Variants in ANK1 observed in about 807,000 individuals in gnomAD.
ANK1 encodes ankyrin 1.
In ANK1, 51 loss-of-function variants were observed where a neutral mutation model predicts 210.4. That is an observed-to-expected ratio of 0.24 (90% CI 0.19 to 0.31). ANK1 has a LOEUF of 0.31. ANK1 is among the 10% of genes least tolerant of loss of function. The pLI, the probability that ANK1 is intolerant of heterozygous loss-of-function variation, is 1.00. For missense variants in ANK1, 2,051 were observed against 2,504.4 expected (o/e 0.82, Z 3.86); for synonymous variants, 967 against 1,025.9 (o/e 0.94, Z 1.10).
chr8:41,726,982 C>A (rs1485100661), intron 5 of ANK1, among the ~76,000 whole-genome samples: 1 of 152,238 alleles, frequency 6.6e-6, no homozygotes, highest in Non-Finnish European at 1.5e-5. Flanking sequence ...CCTGCCCCCT[C>A]CAGTCACAAG....
At position 41,658,662 on chromosome 8, in the gene ANK1, G is replaced by A. The variant is rs145128742; in HGVS notation, c.*36+2768C>T. Among the ~76,000 whole-genome samples, 58 of 152,334 alleles carry A rather than the reference G, an allele frequency of 3.8e-4. No individual in the cohort carries two copies. In the East Asian group the frequency reaches 8.3e-3, roughly 22 times the overall value. On this transcript the variant is annotated intron_variant, in intron 42 of 42. Transcript: ENST00000289734. ...AATCCCAGCACTTTGGGAGGCTGAG[G>A]AGGGCGGGTTGCTTGAGGTGAGGAG...
chr8:41,815,691 T>C (rs1011497751), intron 1 of ANK1, among the ~76,000 whole-genome samples: 4 of 152,188 alleles, frequency 2.6e-5, no homozygotes, highest in African/African-American at 9.6e-5. Context: ...AATTATGTTA[T>C]TAGAATTTTA....
intron 33 of ANK1, among the ~76,000 whole-genome samples, chr8:41,689,058 ACATCACAGCCCTGTGGAAAAG>A (rs1411700790): frequency 3.9e-5 from 6 of 152,150 alleles, no homozygotes; most frequent in South Asian, 2.1e-4. Flanking sequence ...TAAGGCCTTA[ACATCACAGCCCTGTGGAAAAG>A]CATCCGAACA....
intron 40 of ANK1, among the ~76,000 whole-genome samples, chr8:41,663,354 T>C (rs1809212751): frequency 6.6e-6 from 1 of 152,068 alleles, no homozygotes; most frequent in Admixed American, 6.5e-5. Flanking sequence ...AACAGCTGTT[T>C]TCAGGGTTAG....
chr8:41,692,722 T>C lies in ANK1; in HGVS notation c.3784A>G (p.Thr1262Ala). 2 of 1,613,944 alleles carry C rather than the reference T, an allele frequency of 1.2e-6. No homozygotes were observed. Among genetic ancestry groups the C allele is most frequent in the Non-Finnish European group, 1.7e-6 (2 of 1,180,008 alleles). ...AGGGTCTTGTCCACTTTATCATCTG[T>C]CATGCAGTAGCAGCGCAGGCGCCCC... The part of the protein sequence containing the change: ...REGRLRCYCM[T>A]DDKVDKTLEQ... Residue 1262 changes from threonine to alanine, a missense_variant, in exon 31 of 43, where the codon ACA (threonine) becomes GCA (alanine). Around this residue, in one of 6 missense-constraint regions of ANK1, gnomAD observed 1,413 missense variants for 1,707.4 expected, o/e 0.83. Coordinates refer to ENST00000289734, the MANE Select transcript of ANK1 (RefSeq NM_000037.4).
intron 16 of ANK1, among the ~76,000 whole-genome samples, chr8:41,710,165 TC>T (rs1322520422): frequency 6.6e-6 from 1 of 152,178 alleles, no homozygotes; most frequent in Non-Finnish European, 1.5e-5. Context: ...ACTCCTTATC[TC>T]CCTGCAGGCA....
intron 2 of ANK1, among the ~76,000 whole-genome samples, chr8:41,735,324 A>G (rs1374784224): frequency 3.3e-5 from 5 of 152,168 alleles, no homozygotes; most frequent in Non-Finnish European, 7.4e-5. Flanking sequence ...ACAGAAAATG[A>G]TTTTAGTCAG....
intron 1 of ANK1, among the ~76,000 whole-genome samples, chr8:41,870,652 G>A (rs1006570853): frequency 2.0e-5 from 3 of 152,226 alleles, no homozygotes; most frequent in African/African-American, 7.2e-5. Context: ...TGGATGATGG[G>A]CCAAGGGAGG....
Position 41,719,684 on chromosome 8 carries a change from C to T in ANK1, c.1084G>A (p.Ala362Thr). 1 of 1,614,220 alleles carries T rather than the reference C, an allele frequency of 6.2e-7. No homozygotes were observed. Among genetic ancestry groups the T allele is most frequent in the Non-Finnish European group, 8.5e-7 (1 of 1,180,036 alleles). ...RVAKVLLDKG[A>T]KPNSRALNGF... Reference sequence around the variant, plus strand: ...ACCAGGGCTCTGGAGTTGGGTTTGGCCCCTTTATCCAGAAGGACCTTAGCC... The same window carrying T: ...ACCAGGGCTCTGGAGTTGGGTTTGGTCCCTTTATCCAGAAGGACCTTAGCC... Residue 362 changes from alanine to threonine, a missense_variant, in exon 10 of 43, where the codon GCC (alanine) becomes ACC (threonine). By Grantham distance (58) the Ala-to-Thr change is moderately conservative. Around this residue, in one of 6 missense-constraint regions of ANK1, gnomAD observed 1,413 missense variants for 1,707.4 expected, o/e 0.83. Transcript: ENST00000289734.
chr8:41,812,908 G>A (rs1802722428), intron 1 of ANK1, among the ~76,000 whole-genome samples: 1 of 152,174 alleles, frequency 6.6e-6, no homozygotes, highest in African/African-American at 2.4e-5. Context: ...AATGCTTCCT[G>A]GCTCATTGCT....
chr8:41,724,322 G>A (rs1830123053), intron 7 of ANK1, 134 bp downstream of exon 7: 1 of 774,844 alleles, frequency 1.3e-6, no homozygotes, highest in Admixed American at 2.0e-5. Context: ...TGCCAGCAAG[G>A]AGCCCGACCA....
In ANK1 at chr8:41,663,672, A is replaced by T. The variant is rs750253055; in HGVS notation, c.5465T>A (p.Ile1822Asn). ...EEQFTDEQGN[I>N]VTKKIIRKVV... ...CTCTGCACCCACCTTCTTGGTGACA[A>T]TGTTGCCCTGCTCATCCGTGAATTG... Residue 1822 changes from isoleucine (I) to asparagine (N), a missense_variant, in exon 40 of 43, where the codon ATT becomes AAT. Transcript: ENST00000289734. The T allele has an allele frequency of 5.0e-6, 8 of 1,613,712 alleles. No homozygotes were observed. Among genetic ancestry groups the T allele is most frequent in the Non-Finnish European group, 6.8e-6 (8 of 1,179,802 alleles).
chr8:41,761,011 A>G (rs559483354), intron 1 of ANK1, among the ~76,000 whole-genome samples: 19 of 152,242 alleles, frequency 1.2e-4, no homozygotes, highest in African/African-American at 3.6e-4. Flanking sequence ...AAGTCTTTGT[A>G]GATGTAATTA....
intron 37 of ANK1, among the ~76,000 whole-genome samples, chr8:41,680,026 G>C (rs922789435): frequency 6.6e-6 from 1 of 152,156 alleles, no homozygotes; most frequent in Non-Finnish European, 1.5e-5. Context: ...TTTCAAGCAG[G>C]AGGGTATATT....
Position 41,766,448 on chromosome 8 carries a change from C to G in ANK1, c.28-8311G>C, listed in dbSNP as rs183334277. Among the ~76,000 whole-genome samples the G allele has an allele frequency of 4.6e-5, 7 of 152,310 alleles. No homozygotes were observed. The East Asian group carries it at 9.6e-4, about 21-fold the overall frequency. ...GCTTTACAAACTGTCTCCAGGCTCC[C>G]CAGTCTGACTACCATTGGCAAAAAT... On this transcript the variant is annotated intron_variant, in intron 1 of 42. Coordinates refer to ENST00000289734, the MANE Select transcript of ANK1 (RefSeq NM_000037.4).
At chr8:41,782,503 A>C (rs1586911579) in intron 1 of ANK1, among the ~76,000 whole-genome samples, 1 of 152,262 alleles carries the variant, frequency 6.6e-6, no homozygotes, top group South Asian at 2.1e-4. Flanking sequence ...TATTTCCCAG[A>C]GGGAGCAGCG....
At chr8:41,668,685 C>T in intron 38 of ANK1, 121 bp from the exon 39 acceptor site, 1 of 1,127,348 alleles carries the variant, frequency 8.9e-7, no homozygotes, top group Admixed American at 2.5e-5. Context: ...ATCAAGGACA[C>T]AGACCGTCCT....
rs2150596698 is a variant in ANK1 at position 41,696,356 on chromosome 8, A to C, written c.2960+7T>G. On this transcript the variant is annotated splice_region_variant and intron_variant, in intron 26 of 42. Coordinates refer to ENST00000289734, the MANE Select transcript of ANK1 (RefSeq NM_000037.4). Reference sequence around the variant, plus strand: ...GGGGAGAACACGGGCTGCCCGCGCAAGCTCACCTCAGGAACTGTGCCCCCG... The same window carrying C: ...GGGGAGAACACGGGCTGCCCGCGCACGCTCACCTCAGGAACTGTGCCCCCG... The C allele has an allele frequency of 6.2e-7, 1 of 1,613,074 alleles. No individual in the cohort carries two copies. The highest frequency in any genetic ancestry group is 8.5e-7 in the Non-Finnish European group (1 of 1,179,920).
chr8:41,859,086 G>A (rs1460715515), intron 1 of ANK1, among the ~76,000 whole-genome samples: 1 of 152,242 alleles, frequency 6.6e-6, no homozygotes, highest in Non-Finnish European at 1.5e-5. Context: ...AAGGGGTCAA[G>A]GGAATCGGGT....
Sources: allele counts gnomAD v4.1 joint callset (sites outside exome capture counted in the v4.1 genomes callset), GRCh38; gene constraint gnomAD v4.1.1; regional missense constraint gnomAD v4.1.1; transcripts MANE v1.5; gene names NCBI Gene and HGNC (gene_info 2026-07-23, HGNC 2026-07-21).